NELFA: variants seen among roughly 807,000 people sequenced by gnomAD.
NELFA encodes the protein negative elongation factor complex member A.
Under a neutral mutation model 51.8 loss-of-function variants are expected in NELFA, and 35 were observed. The ratio of observed to expected loss-of-function variants is 0.68; its 90% CI spans 0.52 to 0.90. The LOEUF is 0.90. NELFA is among the 40% of genes least tolerant of loss of function. NELFA has a pLI of 0.00. For missense variants in NELFA, 658 were observed against 746.4 expected, an observed-to-expected ratio of 0.88 and a Z score of 1.38; for synonymous variants, 417 against 338.4, an observed-to-expected ratio of 1.23 and a Z score of -2.55.
intron 1 of NELFA, among the ~76,000 whole-genome samples, chr4:1,999,711 T>A (rs913174065): frequency 1.3e-5 from 2 of 152,148 alleles, no homozygotes; most frequent in African/African-American, 4.8e-5. Context: ...AACACCCCAC[T>A]GTCAATATTA....
Position 1,985,763 on chromosome 4 carries a change from C to T in NELFA, c.924+13G>A, listed in dbSNP as rs778394253. 2.4e-5 allele frequency: 38 copies of T among 1,611,132 alleles called. No individual in the cohort carries two copies. The South Asian group carries it at 4.1e-4, about 17-fold the overall frequency. On this transcript the variant is annotated intron_variant, in intron 7 of 10. Coordinates refer to ENST00000382882, the MANE Select transcript of NELFA (RefSeq NM_005663.5). The stretch of plus-strand genomic sequence containing the variant: ...CAGTGGTGCCAGACATGGGGTGCAG[C>T]CCCGAGCCCTACCTGCGTGGACACC...
chr4:2,006,036 T>C (rs559098252), intron 1 of NELFA, among the ~76,000 whole-genome samples: 1 of 152,272 alleles, frequency 6.6e-6, no homozygotes, highest in South Asian at 2.1e-4. Context: ...AGAATAGCCA[T>C]AGATGATCCC....
At chr4:2,004,999 G>A (rs1157461681) in intron 1 of NELFA, among the ~76,000 whole-genome samples, 11 of 150,402 alleles carry the variant, frequency 7.3e-5, no homozygotes, top group Admixed American at 2.0e-4. Context: ...CTTTAGAGAC[G>A]GGGTTTCACC....
At position 1,983,274 on chromosome 4, in the gene NELFA, C is replaced by T; in HGVS notation, c.*45G>A. On this transcript the variant is annotated 3_prime_UTR_variant, in exon 11 of 11. Coordinates refer to ENST00000382882, the MANE Select transcript of NELFA (RefSeq NM_005663.5). Reference sequence around the variant, plus strand: ...TACTTTAAGCTGGCAAAGCCATCGTCCCGTGGACCCCCACAAGTGACGGCC... The same window carrying T: ...TACTTTAAGCTGGCAAAGCCATCGTTCCGTGGACCCCCACAAGTGACGGCC... 1 of 1,576,276 alleles carries T rather than the reference C, an allele frequency of 6.3e-7. No homozygotes were observed. The highest frequency in any genetic ancestry group is 1.3e-5 in the African/African-American group (1 of 74,476).
At position 1,989,572 on chromosome 4, in the gene NELFA, G is replaced by T; in HGVS notation, c.544+136C>A. The T allele has an allele frequency of 1.1e-6, 1 of 940,382 alleles. No individual in the cohort carries two copies. The highest frequency in any genetic ancestry group is 1.6e-6 in the Non-Finnish European group (1 of 634,384). The allele number at this position is 940,382 out of a possible 1,614,324, so 58.3% of individuals were successfully genotyped here. A position where few individuals can be genotyped will look rare whatever the true frequency, so the allele number is the denominator to read the frequency against. On this transcript the variant is annotated intron_variant, in intron 3 of 10. Transcript: ENST00000382882. The surrounding 1 kb of genome is among the most constrained non-coding windows in gnomAD (Gnocchi z 4.8). ...GGGCTCAAACGACCCACCTGCCCCA[G>T]CCTCCCAACAGGTGTGAGCCACCAT...
intron 1 of NELFA, 73 bp downstream of exon 1, chr4:2,008,677 C>G (rs1012174922): frequency 6.6e-7 from 1 of 1,520,056 alleles, no homozygotes; most frequent in African/African-American, 1.4e-5. Flanking sequence ...GAGGAGGGTC[C>G]GGAGTTGGGT....
chr4:1,996,736 A>G (rs1168035311), intron 1 of NELFA, among the ~76,000 whole-genome samples: 1 of 152,234 alleles, frequency 6.6e-6, no homozygotes, highest in Non-Finnish European at 1.5e-5. Flanking sequence ...GCTTGAGACC[A>G]GACTGGCCAA....
intron 1 of NELFA, 135 bp downstream of exon 1, chr4:2,008,615 G>C (rs1431901014): frequency 1.1e-5 from 11 of 1,036,686 alleles, no homozygotes; most frequent in African/African-American, 1.7e-5. Flanking sequence ...CGTGAGGGCG[G>C]GCCGGGGGGG....
At chr4:2,001,854 G>T (rs184807577) in intron 1 of NELFA, among the ~76,000 whole-genome samples, 240 of 151,396 alleles carry the variant, frequency 1.6e-3, no homozygotes, top group African/African-American at 5.5e-3. Flanking sequence ...AGTGAGCCGA[G>T]ATCGTGCCAC....
chr4:1,995,562 C>T (rs2109062623), intron 1 of NELFA, among the ~76,000 whole-genome samples: 1 of 152,230 alleles, frequency 6.6e-6, no homozygotes, highest in Non-Finnish European at 1.5e-5. Context: ...AGTCCTTTCA[C>T]AATCCAGTTA....
rs1419856613 is a variant in NELFA at position 1,991,579 on chromosome 4, T to G, written c.347A>C (p.Asn116Thr). ...LNLELEEQNP[N>T]VQDILGELRE... ...AAGTTCTCCCAAAATATCCTGAACG[T>G]TGGGATTCTGCTCCTCCAGCTCCAG... Residue 116 changes from asparagine to threonine, a missense_variant, in exon 2 of 11, where the codon AAC (asparagine) becomes ACC (threonine). Physicochemically the swap from Asn to Thr is moderately conservative, Grantham distance 65 (BLOSUM62 0). Transcript: ENST00000382882. 4 of 1,614,036 alleles carry G rather than the reference T, an allele frequency of 2.5e-6. No homozygotes were observed. The highest frequency in any genetic ancestry group is 3.4e-6 in the Non-Finnish European group (4 of 1,180,004).
At position 1,983,352 on chromosome 4, in the gene NELFA, G is replaced by A. The variant is rs1228462855; in HGVS notation, c.1554C>T (p.Phe518=). 2.5e-6 allele frequency: 4 copies of A among 1,614,196 alleles called. No individual in the cohort carries two copies. Among genetic ancestry groups the A allele is most frequent in the Non-Finnish European group, 3.4e-6 (4 of 1,180,028 alleles). ...MNYATGQWTR[F]KKYKPMTNVS ...CATTGGTCATGGGCTTGTACTTCTT[G>A]AAGCGCGTCCACTGGCCCGTGGCAT... Residue 518 remains phenylalanine (F), a synonymous_variant, in exon 11 of 11, where the codon TTC becomes TTT. Coordinates refer to ENST00000382882, the MANE Select transcript of NELFA (RefSeq NM_005663.5).
chr4:1,989,589 A>C lies in NELFA; in HGVS notation c.544+119T>G. Reference sequence around the variant, plus strand: ...CTGCCCCAGCCTCCCAACAGGTGTGAGCCACCATGCCTGGCCCAGAACGCC... The same window carrying C: ...CTGCCCCAGCCTCCCAACAGGTGTGCGCCACCATGCCTGGCCCAGAACGCC... On this transcript the variant is annotated intron_variant, in intron 3 of 10. Coordinates refer to ENST00000382882, the MANE Select transcript of NELFA (RefSeq NM_005663.5). This position sits in a 1 kb window ranked among gnomAD's most constrained non-coding sequence, Gnocchi z 4.8. 3 of 1,134,790 alleles carry C rather than the reference A, an allele frequency of 2.6e-6. No individual in the cohort carries two copies. The highest frequency in any genetic ancestry group is 3.7e-6 in the Non-Finnish European group (3 of 802,710). 70.3% of individuals were successfully genotyped at this position (1,134,790 alleles called of 1,614,324 possible).
intron 1 of NELFA, chr4:2,007,194 C>T (rs774280709): frequency 1.6e-5 from 6 of 384,128 alleles, no homozygotes; most frequent in South Asian, 1.1e-4. Context: ...TTGACAGCGC[C>T]AGACCCTGTC....
At chr4:1,996,057 C>T (rs1728414049) in intron 1 of NELFA, among the ~76,000 whole-genome samples, 1 of 152,106 alleles carries the variant, frequency 6.6e-6, no homozygotes, top group African/African-American at 2.4e-5. Flanking sequence ...AATGAACATC[C>T]ACTGAGCAAT....
intron 2 of NELFA, 38 bp downstream of exon 2, chr4:1,991,506 T>A: frequency 6.3e-7 from 1 of 1,596,070 alleles, no homozygotes; most frequent in Non-Finnish European, 8.5e-7. Flanking sequence ...AAGATCCATT[T>A]CCCTCCACCC....
chr4:2,008,848 T>C lies in NELFA; in HGVS notation c.112A>G (p.Ile38Val). 1 of 1,608,788 alleles carries C rather than the reference T, an allele frequency of 6.2e-7. No individual in the cohort carries two copies. Among genetic ancestry groups the C allele is most frequent in the Non-Finnish European group, 8.5e-7 (1 of 1,178,260 alleles). ...SIASLLTAAV[I>V]DNIRLCFHGL... ...TGGAAGCAGAGACGGATGTTGTCGA[T>C]GACCGCGGCCGTGAGCAGGGACGCG... Residue 38 changes from isoleucine to valine, a missense_variant, in exon 1 of 11, where the codon ATC becomes GTC. Ile to Val is a conservative substitution (Grantham distance 29, BLOSUM62 3). Coordinates refer to ENST00000382882, the MANE Select transcript of NELFA (RefSeq NM_005663.5).
At chr4:1,996,338 G>A (rs948935660) in intron 1 of NELFA, among the ~76,000 whole-genome samples, 3 of 152,222 alleles carry the variant, frequency 2.0e-5, no homozygotes, top group East Asian at 3.8e-4. Context: ...ATACAGTTCT[G>A]TGACTATCAA....
chr4:1,984,919 T>C lies in NELFA; in HGVS notation c.925A>G (p.Lys309Glu). Residue 309 changes from lysine to glutamate, a missense_variant and splice_region_variant, in exon 8 of 11, where the codon AAA becomes GAA. By Grantham distance (56) the Lys-to-Glu change is moderately conservative (BLOSUM62 1). Transcript: ENST00000382882. The stretch of plus-strand genomic sequence containing the variant: ...GGCTCATTGTTCAGGGACCCAAGTT[T>C]CTGGAACACAGAGTTTAAGGTTCCT... ...DYAAGLVSTQKLGSLNNEPAL... is the reference protein window; with the variant it reads ...DYAAGLVSTQELGSLNNEPAL... 6.4e-7 allele frequency: 1 copy of C among 1,566,434 alleles called. No individual in the cohort carries two copies. Among genetic ancestry groups the C allele is most frequent in the Non-Finnish European group, 8.7e-7 (1 of 1,154,132 alleles).
Sources: allele counts gnomAD v4.1 joint callset (sites outside exome capture counted in the v4.1 genomes callset), GRCh38; gene constraint gnomAD v4.1.1; non-coding constraint Gnocchi (gnomAD v3.1); transcripts MANE v1.5; gene names NCBI Gene and HGNC (gene_info 2026-07-23, HGNC 2026-07-21).